The following C2 variants were observed in gnomAD, a reference collection of about 807,000 sequenced individuals.
The protein encoded by C2 is complement C2.
Under a neutral mutation model 85.2 loss-of-function variants are expected in C2, and 64 were observed. The observed-to-expected ratio is 0.75, with a 90% CI of 0.61 to 0.92. C2 has a LOEUF of 0.92. Among genes scored for constraint, C2 ranks in the 40% least tolerant of loss-of-function variants. The pLI is 0.00. For missense variants in C2, 820 were observed against 971.6 expected (o/e 0.84, Z 2.07); for synonymous variants, 311 against 370.8 (o/e 0.84, Z 1.85).
At chr6:31,942,187 C>T (rs1444307590) in intron 9 of C2, among the ~76,000 whole-genome samples, 3 of 147,916 alleles carry the variant, frequency 2.0e-5, no homozygotes, top group African/African-American at 5.0e-5. Context: ...ATGGCGCGAT[C>T]TTGGCTCACC....
intron 3 of C2, among the ~76,000 whole-genome samples, chr6:31,929,850 C>G (rs9332711): frequency 1.2e-3 from 185 of 151,344 alleles, no homozygotes; most frequent in Middle Eastern, 6.9e-3. Flanking sequence ...GTGGTGAAAC[C>G]TCGTCTATAC....
Position 31,944,155 on chromosome 6 carries a change from CAG to C in C2, c.1834_1835del (p.Ser612CysfsTer16). 6.2e-7 allele frequency: 1 copy of C among 1,612,494 alleles called. No individual in the cohort carries two copies. Among genetic ancestry groups the C allele is most frequent in the Non-Finnish European group, 8.5e-7 (1 of 1,179,482 alleles). On this transcript the variant is annotated frameshift_variant, in exon 15 of 18. Transcript: ENST00000299367. LOFTEE classifies it high-confidence loss of function. The surrounding 1 kb of genome is among the most constrained non-coding windows in gnomAD (Gnocchi z 5.1). ...TATAGAGAATGAACTGCTGAACAAA[CAG>C]AGTGTTCCTGCTCATTTTGTCGCCT... The part of the protein sequence containing the change: ...RDHENELLNK[Q>X]SVPAHFVALN...
intron 6 of C2, 105 bp downstream of exon 6, chr6:31,934,404 A>G (rs551391694): frequency 6.8e-7 from 1 of 1,464,354 alleles, no homozygotes; most frequent in East Asian, 2.3e-5. Context: ...ACCTCCTCCA[A>G]GAAGTCTTCT....
At chr6:31,939,887 C>G (rs1330771763) in intron 9 of C2, among the ~76,000 whole-genome samples, 1 of 152,094 alleles carries the variant, frequency 6.6e-6, no homozygotes. Flanking sequence ...AATGATTCTC[C>G]TGCCTCAGCC....
chr6:31,929,717 CAA>C lies in C2; in HGVS notation c.442+823_442+824del, dbSNP rs9279455. Among the ~76,000 whole-genome samples, 343 of 42,474 alleles carry C rather than the reference CAA, an allele frequency of 8.1e-3. 1 individual carries two copies. The highest frequency in any genetic ancestry group is 0.031 in the African/African-American group (286 of 9,220). The allele number at this position is 42,474 out of a possible 152,430, so 27.9% of individuals were successfully genotyped here. A position where few individuals can be genotyped will look rare whatever the true frequency, so the allele number is the denominator to read the frequency against. On this transcript the variant is annotated intron_variant, in intron 3 of 17. Coordinates refer to ENST00000299367, the MANE Select transcript of C2 (RefSeq NM_000063.6). Reference sequence around the variant, plus strand: ...TGAGTGACAGAGTAAGACTCTGTCTCAAAAAAAAAAAAAAAAAAAAAAAATGC... The same window carrying C: ...TGAGTGACAGAGTAAGACTCTGTCTCAAAAAAAAAAAAAAAAAAAAAATGC...
intron 1 of C2, among the ~76,000 whole-genome samples, chr6:31,911,223 TGGGAG>T (rs1768074902): frequency 6.9e-6 from 1 of 145,440 alleles, no homozygotes; most frequent in Non-Finnish European, 1.5e-5. Context: ...TGCTGGAACC[TGGGAG>T]GCGGAGGTTG....
intron 1 of C2, among the ~76,000 whole-genome samples, chr6:31,913,393 T>C (rs575948073): frequency 1.5e-4 from 23 of 152,310 alleles, no homozygotes; most frequent in Non-Finnish European, 2.8e-4. Flanking sequence ...CTGGCCAACA[T>C]GGTGAACCGC....
upstream of C2, among the ~76,000 whole-genome samples, chr6:31,923,522 C>T (rs1769093992): frequency 6.6e-6 from 1 of 152,036 alleles, no homozygotes; most frequent in African/African-American, 2.4e-5. Context: ...CTTGCTCTGT[C>T]ACCCAGGCTG....
chr6:31,917,062 T>C (rs1287236803), upstream of C2, among the ~76,000 whole-genome samples: 1 of 150,250 alleles, frequency 6.7e-6, no homozygotes, highest in Non-Finnish European at 1.5e-5. Context: ...TCCGAGCTAC[T>C]TGGGAGGCTG....
At chr6:31,924,749 C>T (rs908649497), upstream of C2, among the ~76,000 whole-genome samples, 1 of 152,182 alleles carries the variant, frequency 6.6e-6, no homozygotes, top group Non-Finnish European at 1.5e-5. Flanking sequence ...GGCTTCATTA[C>T]GTTCTGGTAA....
upstream of C2, among the ~76,000 whole-genome samples, chr6:31,919,313 T>C (rs920998671): frequency 3.3e-5 from 5 of 151,912 alleles, no homozygotes; most frequent in African/African-American, 9.7e-5. Flanking sequence ...CCCGGCTAAT[T>C]TTTGTATTTT....
chr6:31,931,739 C>T (rs1394217270), intron 3 of C2, among the ~76,000 whole-genome samples: 1 of 152,190 alleles, frequency 6.6e-6, no homozygotes, highest in Non-Finnish European at 1.5e-5. Context: ...TCCACAAAAC[C>T]GTCATTGTCA....
chr6:31,945,457 C>T lies in C2; in HGVS notation c.*100C>T. 8.7e-7 allele frequency: 1 copy of T among 1,155,470 alleles called. No homozygotes were observed. Among genetic ancestry groups the T allele is most frequent in the Non-Finnish European group, 1.3e-6 (1 of 777,406 alleles). 71.6% of individuals were successfully genotyped at this position (1,155,470 alleles called of 1,614,324 possible). On this transcript the variant is annotated 3_prime_UTR_variant, in exon 18 of 18. Coordinates refer to ENST00000299367, the MANE Select transcript of C2 (RefSeq NM_000063.6). This position sits in a 1 kb window ranked among gnomAD's most constrained non-coding sequence, Gnocchi z 5.3. ...TTAGACCCTGTGATCCATCCTCTCT[C>T]CTAGCTGAGTAAATCCGGGTCTCTA...
rs1218660118 is a variant in C2 at position 31,943,252 on chromosome 6, G to T, written c.1388G>T (p.Cys463Phe). 6.2e-7 allele frequency: 1 copy of T among 1,612,952 alleles called. No homozygotes were observed. Among genetic ancestry groups the T allele is most frequent in the African/African-American group, 1.3e-5 (1 of 74,910 alleles). ...GTCTCCAAGCTCACAGACACCATCTGCGGGGTGGGGAACATGTCAGCAAAC... is the reference window on the plus strand; with the variant it reads ...GTCTCCAAGCTCACAGACACCATCTTCGGGGTGGGGAACATGTCAGCAAAC... ...LDVSKLTDTI[C>F]GVGNMSANAS... is the part of the protein sequence containing the mutation. The change falls in exon 11 of 18, where the codon TGC becomes TTC. Residue 463 changes from cysteine to phenylalanine, a missense_variant. Physicochemically the swap from Cys to Phe is radical, Grantham distance 205. Transcript: ENST00000299367. The surrounding 1 kb of genome is among the most constrained non-coding windows in gnomAD (Gnocchi z 6.4).
chr6:31,933,938 G>C lies in C2; in HGVS notation c.688G>C (p.Ala230Pro), dbSNP rs549362270. Residue 230 changes from alanine (A) to proline (P), a missense_variant, in exon 5 of 18, where the codon GCC (alanine) becomes CCC (proline). Physicochemically the swap from Ala to Pro is conservative, Grantham distance 27. Coordinates refer to ENST00000299367, the MANE Select transcript of C2 (RefSeq NM_000063.6). Reference sequence around the variant, plus strand: ...CACTTCCTTCTCCCACATGCTTGGGGCCACCAATCCCACCCAGAAGACAAA... The same window carrying C: ...CACTTCCTTCTCCCACATGCTTGGGCCCACCAATCCCACCCAGAAGACAAA... ...LGTSFSHMLG[A>P]TNPTQKTKES... 4.2e-5 allele frequency: 67 copies of C among 1,614,076 alleles called. No individual in the cohort carries two copies. Among genetic ancestry groups the C allele is most frequent in the Non-Finnish European group, 5.7e-5 (67 of 1,179,902 alleles).
In C2 at chr6:31,937,387, C is replaced by T. The variant is rs1370511038; in HGVS notation, c.1057C>T (p.Gln353Ter). ...LNSVYLMMNN[Q>*]MRLLGMETMA... ...CAGTGTCTATCTCATGATGAACAAC[C>T]AAATGCGACTCCTCGGCATGGAAAC... The change falls in exon 8 of 18, where the codon CAA becomes TAA. Residue 353 changes from glutamine (Q) to a stop codon, truncating the protein, a stop_gained. Transcript: ENST00000299367. LOFTEE classifies it high-confidence loss of function. 6.2e-7 allele frequency: 1 copy of T among 1,612,664 alleles called. No individual in the cohort carries two copies. The highest frequency in any genetic ancestry group is 2.2e-5 in the East Asian group (1 of 44,818).
upstream of C2, chr6:31,897,796 G>T: frequency 1.0e-6 from 1 of 994,634 alleles, no homozygotes; most frequent in East Asian, 5.2e-5. Context: ...ATTTTCCCCT[G>T]AGAGCGGCCT....
At chr6:31,908,584 G>A (rs1767886099) in intron 1 of C2, among the ~76,000 whole-genome samples, 1 of 151,202 alleles carries the variant, frequency 6.6e-6, no homozygotes, top group Non-Finnish European at 1.5e-5. Context: ...CCCAGGAGAT[G>A]GAGGTTGTAA....
intron 8 of C2, among the ~76,000 whole-genome samples, chr6:31,938,815 G>A (rs1770649130): frequency 6.6e-6 from 1 of 152,058 alleles, no homozygotes; most frequent in South Asian, 2.1e-4. Context: ...CACCACACCC[G>A]GCTAATTTTG....
Sources: gnomAD v4.1 joint callset for allele counts (sites outside exome capture counted in the v4.1 genomes callset) on GRCh38, gnomAD v4.1.1 for gene constraint, Gnocchi (gnomAD v3.1) non-coding constraint, MANE v1.5 for transcripts, NCBI Gene and HGNC (gene_info 2026-07-23, HGNC 2026-07-21) for gene names.